The following SCAPER variants were observed in gnomAD, a reference collection of about 807,000 sequenced individuals.
SCAPER encodes S-phase cyclin A associated protein in the ER.
Under a neutral mutation model 182.2 loss-of-function variants are expected in SCAPER, and 98 were observed. The ratio of observed to expected loss-of-function variants is 0.54; its 90% CI spans 0.46 to 0.64. The LOEUF (loss-of-function observed/expected upper bound fraction) is 0.64. SCAPER is among the 30% of genes least tolerant of loss of function. The pLI, the probability that SCAPER is intolerant of heterozygous loss-of-function variation, is 0.00. For synonymous variants in SCAPER, 605 were observed against 564.6 expected, an observed-to-expected ratio of 1.07 and a Z score of -1.01; for missense variants, 1,432 against 1,690.0, an observed-to-expected ratio of 0.85 and a Z score of 2.68.
At chr15:76,581,626 G>C (rs1230650032) in intron 22 of SCAPER, among the ~76,000 whole-genome samples, 1 of 152,150 alleles carries the variant, frequency 6.6e-6, no homozygotes, top group African/African-American at 2.4e-5. Context: ...TCGCTCTGTT[G>C]CCCAGGCTGG....
intron 21 of SCAPER, among the ~76,000 whole-genome samples, chr15:76,663,062 T>C (rs1198586910): frequency 6.6e-6 from 1 of 152,152 alleles, no homozygotes; most frequent in Non-Finnish European, 1.5e-5. Context: ...AATACATACA[T>C]CTGTCTGATA....
intron 18 of SCAPER, 93 bp from the exon 19 acceptor site, chr15:76,703,095 TAATAG>T: frequency 7.3e-7 from 1 of 1,361,870 alleles, no homozygotes; most frequent in Non-Finnish European, 9.9e-7. Context: ...ACTTCAAAAA[TAATAG>T]AATGTCGTTT....
At chr15:76,430,785 T>C (rs2046809357) in intron 26 of SCAPER, among the ~76,000 whole-genome samples, 1 of 152,110 alleles carries the variant, frequency 6.6e-6, no homozygotes, top group Admixed American at 6.5e-5. Context: ...GTTAAGACTT[T>C]GGGGGACTGT....
intron 26 of SCAPER, among the ~76,000 whole-genome samples, chr15:76,420,604 C>T (rs762274489): frequency 5.3e-5 from 8 of 152,100 alleles, no homozygotes; most frequent in South Asian, 2.1e-4. Flanking sequence ...AATATCTCTA[C>T]GTTGTTAACT....
intron 17 of SCAPER, among the ~76,000 whole-genome samples, chr15:76,715,456 C>T (rs971810283): frequency 1.3e-5 from 2 of 152,098 alleles, no homozygotes; most frequent in African/African-American, 4.8e-5. Flanking sequence ...TAGAACTGGA[C>T]TAGTCCCCCT....
At chr15:76,670,335 A>G (rs1195482590) in intron 20 of SCAPER, among the ~76,000 whole-genome samples, 2 of 152,126 alleles carry the variant, frequency 1.3e-5, no homozygotes, top group African/African-American at 2.4e-5. Context: ...ATATAAATAT[A>G]TATTCCTTCC....
At chr15:76,674,609 C>T (rs2057252813) in intron 20 of SCAPER, among the ~76,000 whole-genome samples, 1 of 152,152 alleles carries the variant, frequency 6.6e-6, no homozygotes, top group Non-Finnish European at 1.5e-5. Flanking sequence ...CAGCTCTAAT[C>T]ATGAAGGGAG....
chr15:76,858,420 A>C (rs1211054049), intron 3 of SCAPER, among the ~76,000 whole-genome samples: 1 of 152,176 alleles, frequency 6.6e-6, no homozygotes, highest in Non-Finnish European at 1.5e-5. Flanking sequence ...ACTGTTTTGT[A>C]ATTACTATTC....
intron 17 of SCAPER, among the ~76,000 whole-genome samples, chr15:76,708,529 T>C (rs1050002502): frequency 2.4e-4 from 36 of 150,410 alleles, no homozygotes; most frequent in African/African-American, 8.8e-4. Flanking sequence ...TAAAAATAGT[T>C]TCAAATCAAT....
intron 5 of SCAPER, among the ~76,000 whole-genome samples, chr15:76,811,031 G>A (rs1217600781): frequency 1.3e-5 from 2 of 148,276 alleles, no homozygotes; most frequent in Non-Finnish European, 3.0e-5. Flanking sequence ...AAATAATAAA[G>A]CAAATACTGA....
intron 5 of SCAPER, among the ~76,000 whole-genome samples, chr15:76,809,882 G>A (rs1390801546): frequency 6.6e-6 from 1 of 152,076 alleles, no homozygotes; most frequent in Non-Finnish European, 1.5e-5. Context: ...TACACACACA[G>A]GGGCCCCCAT....
In SCAPER at chr15:76,609,492, G is replaced by A. The variant is rs766429171; in HGVS notation, c.2711+12272C>T. 7.8e-4 allele frequency among the ~76,000 whole-genome samples: 118 copies of A among 151,962 alleles called. 2 individuals carry two copies. The highest frequency in any genetic ancestry group is 6.0e-4 in the Non-Finnish European group (41 of 67,992). ...ACAGAATGAGACCTTTGATTAAAAG[G>A]TGTCACTTAAAAAAAAAATTATCTC... is the stretch of plus-strand genomic sequence containing the variant. On this transcript the variant is annotated intron_variant, in intron 22 of 31. Coordinates refer to ENST00000563290, the MANE Select transcript of SCAPER (RefSeq NM_020843.4).
intron 22 of SCAPER, among the ~76,000 whole-genome samples, chr15:76,617,697 G>A (rs1004086316): frequency 1.8e-4 from 27 of 152,152 alleles, no homozygotes; most frequent in African/African-American, 6.3e-4. Flanking sequence ...GGCGAGAACA[G>A]AAACCATAGA....
At position 76,492,503 on chromosome 15, in the gene SCAPER, TCATCA is replaced by T. The variant is rs2052417999; in HGVS notation, c.2954+12351_2954+12355del. On this transcript the variant is annotated intron_variant, in intron 24 of 31. Coordinates refer to ENST00000563290, the MANE Select transcript of SCAPER (RefSeq NM_020843.4). ...CAAACATATTTTAAATGTATAGTAC[TCATCA>T]GAATAAAATATATTAAACAGAAATA... 2.6e-5 allele frequency among the ~76,000 whole-genome samples: 4 copies of T among 152,340 alleles called. No homozygotes were observed. The South Asian group carries it at 8.3e-4, about 32-fold the overall frequency.
rs562028600 is a variant in SCAPER at position 76,366,872 on chromosome 15, A to G, written c.3855+9290T>C. Among the ~76,000 whole-genome samples, 4 of 152,268 alleles carry G rather than the reference A, an allele frequency of 2.6e-5. No individual in the cohort carries two copies. The East Asian group carries it at 5.8e-4, about 22-fold the overall frequency. ...GAAGGGAAGCTGGCAGCTGACCAGA[A>G]CCAGACTGATACTCCAAAGTCCCCT... is the stretch of plus-strand genomic sequence containing the variant. On this transcript the variant is annotated intron_variant, in intron 29 of 31. Coordinates refer to ENST00000563290, the MANE Select transcript of SCAPER (RefSeq NM_020843.4).
chr15:76,728,377 A>G (rs543170307), intron 17 of SCAPER, among the ~76,000 whole-genome samples: 17 of 152,200 alleles, frequency 1.1e-4, no homozygotes, highest in African/African-American at 4.1e-4. Flanking sequence ...ATCAAATTAT[A>G]TATTTTTTGA....
chr15:76,667,898 G>A (rs2056735581), intron 20 of SCAPER, among the ~76,000 whole-genome samples: 1 of 151,848 alleles, frequency 6.6e-6, no homozygotes, highest in South Asian at 2.1e-4. Context: ...AGAAGGCAGA[G>A]GTTGCAATGA....
chr15:76,870,243 G>T (rs2072612002), intron 2 of SCAPER, among the ~76,000 whole-genome samples: 1 of 152,002 alleles, frequency 6.6e-6, no homozygotes, highest in African/African-American at 2.4e-5. Flanking sequence ...AGCTAGAAAA[G>T]AATAATTTGA....
intron 23 of SCAPER, among the ~76,000 whole-genome samples, chr15:76,519,383 A>G (rs1305808999): frequency 6.6e-6 from 1 of 152,228 alleles, no homozygotes; most frequent in East Asian, 1.9e-4. Context: ...AGGCCTTTTT[A>G]GCAGGGAAAG....
Sources: allele counts gnomAD v4.1 joint callset (sites outside exome capture counted in the v4.1 genomes callset), GRCh38; gene constraint gnomAD v4.1.1; transcripts MANE v1.5; gene names NCBI Gene and HGNC (gene_info 2026-07-23, HGNC 2026-07-21).